The following CAGE1 variants were observed in gnomAD, a reference collection of about 807,000 sequenced individuals.
CAGE1 encodes the protein cancer-associated gene 1 protein.
In CAGE1, 66 loss-of-function variants were observed where a neutral mutation model predicts 94.9. That is an observed-to-expected ratio of 0.70 (90% CI 0.57 to 0.85). The LOEUF is 0.85. CAGE1 is among the 40% of genes least tolerant of loss of function. The probability of loss-of-function intolerance (pLI) is 0.00; values close to 1 mark genes in which losing one functional copy is unlikely to be tolerated. For synonymous variants in CAGE1, 319 were observed against 321.0 expected, an observed-to-expected ratio of 0.99 and a Z score of 0.07; for missense variants, 865 against 950.4, an observed-to-expected ratio of 0.91 and a Z score of 1.18.
intron 11 of CAGE1, among the ~76,000 whole-genome samples, chr6:7,344,193 C>T (rs977408069): frequency 1.2e-4 from 19 of 152,210 alleles, no homozygotes; most frequent in African/African-American, 3.6e-4. Flanking sequence ...GAGCTGGCTC[C>T]CTCAGCTTGC....
At chr6:7,346,495 G>A (rs1406860300) in intron 11 of CAGE1, among the ~76,000 whole-genome samples, 1 of 152,118 alleles carries the variant, frequency 6.6e-6, no homozygotes, top group Non-Finnish European at 1.5e-5. Flanking sequence ...ATTGCAGTGA[G>A]CCAAGACTGC....
At position 7,378,692 on chromosome 6, in the gene CAGE1, T is replaced by C. The variant is rs1335585518; in HGVS notation, c.612A>G (p.Thr204=). The C allele has an allele frequency of 1.2e-6, 2 of 1,613,026 alleles. No individual in the cohort carries two copies. Among genetic ancestry groups the C allele is most frequent in the Admixed American group, 1.7e-5 (1 of 59,864 alleles). ...CAATACTTTTAGCCAGTGACTTTTC[T>C]GTAAATTTCAGCATCTCTCCACTGC... ...IHCSGEMLKF[T]EKSLAKSIAK... Residue 204 remains threonine (T), a synonymous_variant, in exon 4 of 14, where the codon ACA becomes ACG. Coordinates refer to ENST00000502583, the MANE Select transcript of CAGE1 (RefSeq NM_001170692.2).
rs1370641549 is a variant in CAGE1, at chr6:7,373,212, T to C, written c.1607A>G (p.Gln536Arg). 2 of 1,612,300 alleles carry C rather than the reference T, an allele frequency of 1.2e-6. No individual in the cohort carries two copies. Among genetic ancestry groups the C allele is most frequent in the Non-Finnish European group, 1.7e-6 (2 of 1,178,924 alleles). ...ERTKNIKLQQ[Q>R]INEVKNENAK... ...ATTCTCATTTTTTACTTCGTTGATT[T>C]GCTGCTGAAGTTTTATATTCTTCGT... Residue 536 changes from glutamine (Q) to arginine (R), a missense_variant, in exon 5 of 14, where the codon CAA (glutamine) becomes CGA (arginine). Gln to Arg is a conservative substitution (Grantham distance 43). Coordinates refer to ENST00000502583, the MANE Select transcript of CAGE1 (RefSeq NM_001170692.2).
intron 12 of CAGE1, among the ~76,000 whole-genome samples, chr6:7,332,216 C>T (rs1758779585): frequency 6.6e-6 from 1 of 152,208 alleles, no homozygotes; most frequent in Non-Finnish European, 1.5e-5. Flanking sequence ...GGCCACAGGA[C>T]AGCTCATACT....
At chr6:7,375,399 ACT>A (rs1181104104) in intron 4 of CAGE1, among the ~76,000 whole-genome samples, 1 of 152,022 alleles carries the variant, frequency 6.6e-6, no homozygotes, top group Non-Finnish European at 1.5e-5. Context: ...ACAGAGCGAG[ACT>A]CTGTCTCAAA....
At chr6:7,374,706 T>G (rs1760675098) in intron 4 of CAGE1, among the ~76,000 whole-genome samples, 1 of 152,196 alleles carries the variant, frequency 6.6e-6, no homozygotes, top group South Asian at 2.1e-4. Context: ...ATTGACTTTA[T>G]GCTGCCGATA....
At chr6:7,366,302 A>C (rs1011326905) in intron 7 of CAGE1, among the ~76,000 whole-genome samples, 1 of 152,098 alleles carries the variant, frequency 6.6e-6, no homozygotes, top group African/African-American at 2.4e-5. Flanking sequence ...AAAAACATAC[A>C]AAAAATATGT....
At chr6:7,344,586 G>A (rs1360361161) in intron 11 of CAGE1, among the ~76,000 whole-genome samples, 2 of 152,186 alleles carry the variant, frequency 1.3e-5, no homozygotes, top group Non-Finnish European at 2.9e-5. Flanking sequence ...CACCACCCAA[G>A]GGCTGAGGAG....
At chr6:7,371,522 C>T (rs1047212782) in intron 5 of CAGE1, among the ~76,000 whole-genome samples, 4 of 152,146 alleles carry the variant, frequency 2.6e-5, no homozygotes, top group Admixed American at 1.3e-4. Flanking sequence ...GTGGCTCACG[C>T]TTGTAATCCC....
At chr6:7,383,664 A>AT (rs1761014394) in intron 3 of CAGE1, among the ~76,000 whole-genome samples, 1 of 151,880 alleles carries the variant, frequency 6.6e-6, no homozygotes, top group African/African-American at 2.4e-5. Flanking sequence ...TGTATTGGGT[A>AT]TTTTTTTTAA....
At chr6:7,375,700 A>G (rs1760717583) in intron 4 of CAGE1, among the ~76,000 whole-genome samples, 1 of 152,188 alleles carries the variant, frequency 6.6e-6, no homozygotes, top group African/African-American at 2.4e-5. Flanking sequence ...TGAGTAACAG[A>G]GCAAGACACC....
At position 7,362,273 on chromosome 6, in the gene CAGE1, A is replaced by T. The variant is rs1760190651; in HGVS notation, c.2193+3195T>A. 6.6e-6 allele frequency among the ~76,000 whole-genome samples: 1 copy of T among 152,202 alleles called. No homozygotes were observed. The highest frequency in any genetic ancestry group is 6.6e-5 in the Admixed American group (1 of 15,260). ...AACTACTCCATAATACTGGTTAGAGATATCTTATTTGTATTAAAAGTTATC... is the reference window on the plus strand; with the variant it reads ...AACTACTCCATAATACTGGTTAGAGTTATCTTATTTGTATTAAAAGTTATC... On this transcript the variant is annotated intron_variant, in intron 9 of 13. Transcript: ENST00000502583. The surrounding 1 kb of genome is among the most constrained non-coding windows in gnomAD (Gnocchi z 4.1).
intron 9 of CAGE1, among the ~76,000 whole-genome samples, chr6:7,364,824 G>A (rs556438271): frequency 1.3e-5 from 2 of 152,228 alleles, no homozygotes; most frequent in East Asian, 3.9e-4. Flanking sequence ...GAACCTTCAC[G>A]TTATTAGACA....
At chr6:7,343,679 C>G (rs1457678677) in intron 11 of CAGE1, among the ~76,000 whole-genome samples, 1 of 152,074 alleles carries the variant, frequency 6.6e-6, no homozygotes, top group Non-Finnish European at 1.5e-5. Flanking sequence ...TAAGTTAATG[C>G]AGATTTTGAT....
Position 7,389,420 on chromosome 6 carries a change from G to GTGC in CAGE1, c.-245_-243dup. 2.3e-6 allele frequency: 1 copy of GTGC among 444,424 alleles called. No homozygotes were observed. The highest frequency in any genetic ancestry group is 1.6e-5 in the South Asian group (1 of 63,690). 27.5% of individuals were successfully genotyped at this position (444,424 alleles called of 1,614,324 possible). On this transcript the variant is annotated 5_prime_UTR_variant, in exon 1 of 14. Coordinates refer to ENST00000502583, the MANE Select transcript of CAGE1 (RefSeq NM_001170692.2). ...ACAAACTCGCAATCGGGCTCCCGGAGTGCTGGAACGCCCCTGTGTGACGTC... is the reference window on the plus strand; with the variant it reads ...ACAAACTCGCAATCGGGCTCCCGGAGTGCTGCTGGAACGCCCCTGTGTGACGTC...
chr6:7,376,926 C>T (rs1436327711), intron 4 of CAGE1, among the ~76,000 whole-genome samples: 1 of 152,198 alleles, frequency 6.6e-6, no homozygotes, highest in African/African-American at 2.4e-5. Context: ...ATCATAGATG[C>T]CCAACCTACT....
At position 7,389,719 on chromosome 6, in the gene CAGE1, A is replaced by G. The variant is rs957945558; in HGVS notation, c.-541T>C. On this transcript the variant is annotated 5_prime_UTR_variant, in exon 1 of 14. Transcript: ENST00000502583. ...GAGCACAGAACATCCACAGCCCTAT[A>G]CAGCGCGCCATCCAGAGAGCTCCGG... 74 of 548,166 alleles carry G rather than the reference A, an allele frequency of 1.3e-4. No homozygotes were observed. The highest frequency in any genetic ancestry group is 4.9e-4 in the Middle Eastern group (1 of 2,054). The allele number at this position is 548,166 out of a possible 1,614,324, so 34.0% of individuals were successfully genotyped here. A position where few individuals can be genotyped will look rare whatever the true frequency, so the allele number is the denominator to read the frequency against.
At chr6:7,332,516 G>A (rs965505487) in intron 12 of CAGE1, among the ~76,000 whole-genome samples, 1 of 152,192 alleles carries the variant, frequency 6.6e-6, no homozygotes, top group Non-Finnish European at 1.5e-5. Context: ...CAAGCTCAGA[G>A]AGAAAAGCTA....
At chr6:7,337,344 A>AG (rs1488508670) in intron 11 of CAGE1, among the ~76,000 whole-genome samples, 1 of 151,690 alleles carries the variant, frequency 6.6e-6, no homozygotes, top group Non-Finnish European at 1.5e-5. Context: ...AAAAAAAAAA[A>AG]AAGAAGAGCA....
Sources: gnomAD v4.1 joint callset for allele counts (sites outside exome capture counted in the v4.1 genomes callset) on GRCh38, gnomAD v4.1.1 for gene constraint, Gnocchi (gnomAD v3.1) non-coding constraint, MANE v1.5 for transcripts, NCBI Gene and HGNC (gene_info 2026-07-23, HGNC 2026-07-21) for gene names.